MAP7D2: variants seen among roughly 807,000 people sequenced by gnomAD.
The protein encoded by MAP7D2 is MAP7 domain-containing protein 2.
A neutral mutation model predicts 63.5 loss-of-function variants in MAP7D2; 33 were observed. That is an observed-to-expected ratio of 0.52 (90% CI 0.39 to 0.70). The LOEUF is 0.70. Among genes scored for constraint, MAP7D2 ranks in the 30% least tolerant of loss-of-function variants. The pLI is 0.00. For missense variants in MAP7D2, 626 were observed against 604.0 expected, an observed-to-expected ratio of 1.04 and a Z score of -0.38; for synonymous variants, 224 against 223.7, an observed-to-expected ratio of 1.00 and a Z score of -0.01.
At chrX:20,055,630 C>A in intron 4 of MAP7D2, 5 of 440,237 alleles carry the variant, frequency 1.1e-5, no homozygotes, top group Non-Finnish European at 1.4e-5. Flanking sequence ...ACAGGCCAGA[C>A]TAAGAAACCA....
Position 20,042,991 on chromosome X carries a change from AGTGAG to A in MAP7D2, c.880-367_880-363del, listed in dbSNP as rs1186685190. 2.7e-5 allele frequency among the ~76,000 whole-genome samples: 3 copies of A among 112,149 alleles called. No individual in the cohort carries two copies. In the Admixed American group the frequency reaches 2.8e-4, roughly 11 times the overall value. The stretch of plus-strand genomic sequence containing the variant: ...AAAATGTGGTTACAACATCCAAGAC[AGTGAG>A]CTGTGGCCCCTGATGGTATACATGG... On this transcript the variant is annotated intron_variant, in intron 7 of 16. Transcript: ENST00000379643.
chrX:20,065,800 T>G (rs2065343390), intron 1 of MAP7D2, among the ~76,000 whole-genome samples: 1 of 112,447 alleles, frequency 8.9e-6, no homozygotes, highest in South Asian at 3.6e-4. Context: ...CCTAAAGGGC[T>G]TTCTAAACAA....
chrX:20,061,135 A>C lies in MAP7D2; in HGVS notation c.372+2279T>G, dbSNP rs540247852. On this transcript the variant is annotated intron_variant, in intron 3 of 16. Transcript: ENST00000379643. The stretch of plus-strand genomic sequence containing the variant: ...AACATGACCAAAAAAAAAAAAAAAA[A>C]AAAAAAGACTTCAATCTGACACTGA... Among the ~76,000 whole-genome samples the C allele has an allele frequency of 2.9e-3, 312 of 108,123 alleles. 1 individual carries two copies. Among genetic ancestry groups the C allele is most frequent in the South Asian group, 9.1e-3 (22 of 2,425 alleles). 93.9% of individuals were successfully genotyped at this position (108,123 alleles called of 115,157 possible).
chrX:20,031,235 A>G (rs2074039476), intron 8 of MAP7D2, among the ~76,000 whole-genome samples: 2 of 109,810 alleles, frequency 1.8e-5, no homozygotes, highest in Admixed American at 2.0e-4. Flanking sequence ...GGTTGCAGTG[A>G]GCCGAGATTG....
At chrX:20,059,627 G>GAA (rs747289601) in intron 3 of MAP7D2, among the ~76,000 whole-genome samples, 3 of 81,453 alleles carry the variant, frequency 3.7e-5, no homozygotes, top group African/African-American at 1.6e-4. Flanking sequence ...AGGAAGGAAG[G>GAA]GTGGAAGGAA....
In MAP7D2 at chrX:20,013,145, G is replaced by T; in HGVS notation, c.1807-13C>A. On this transcript the variant is annotated splice_polypyrimidine_tract_variant and intron_variant, in intron 13 of 16. Coordinates refer to ENST00000379643, the MANE Select transcript of MAP7D2 (RefSeq NM_001168465.2). Reference sequence around the variant, plus strand: ...TGGGGTCTTCTTTCTGAAAACAAATGGAAGGTGAATGAAATGAGGGAAGGC... The same window carrying T: ...TGGGGTCTTCTTTCTGAAAACAAATTGAAGGTGAATGAAATGAGGGAAGGC... 2.6e-6 allele frequency: 3 copies of T among 1,169,856 alleles called. No individual in the cohort carries two copies. The highest frequency in any genetic ancestry group is 3.5e-6 in the Non-Finnish European group (3 of 860,168).
chrX:20,016,341 CTGT>C lies in MAP7D2; in HGVS notation c.1413-19_1413-17del. On this transcript the variant is annotated splice_polypyrimidine_tract_variant and intron_variant, in intron 10 of 16. Transcript: ENST00000379643. ...TCTCTCCAGCCTTTTGAGAATACAACTGTTGTTAGAAGATGACATGCTCGAAAA... is the reference window on the plus strand; with the variant it reads ...TCTCTCCAGCCTTTTGAGAATACAACTGTTAGAAGATGACATGCTCGAAAA... 8.4e-7 allele frequency: 1 copy of C among 1,194,818 alleles called. No individual in the cohort carries two copies. Among genetic ancestry groups the C allele is most frequent in the Non-Finnish European group, 1.1e-6 (1 of 883,939 alleles).
chrX:20,060,426 GAGAGAGAGAA>G (rs1374851100), intron 3 of MAP7D2, among the ~76,000 whole-genome samples: 13 of 72,123 alleles, frequency 1.8e-4, no homozygotes, highest in East Asian at 3.9e-4. Context: ...AAGAGAGAGA[GAGAGAGAGAA>G]AGAAAGAAAG....
chrX:20,053,448 GGA>G (rs1454386412), intron 4 of MAP7D2, among the ~76,000 whole-genome samples: 1 of 112,059 alleles, frequency 8.9e-6, no homozygotes, highest in Non-Finnish European at 1.9e-5. Context: ...AGCTCAGGTT[GGA>G]GAGAGATGAA....
rs1410290395 is a variant in MAP7D2 at position 20,012,361 on chromosome X, G to A, written c.2060C>T (p.Ser687Phe). The A allele has an allele frequency of 8.3e-7, 1 of 1,199,286 alleles. No homozygotes were observed. The highest frequency in any genetic ancestry group is 1.7e-5 in the African/African-American group (1 of 57,450). Reference sequence around the variant, plus strand: ...GAAATGAATATACCTCACATCCATAGACTGAACTTCTTCAGTTGAATCATC... The same window carrying A: ...GAAATGAATATACCTCACATCCATAAACTGAACTTCTTCAGTTGAATCATC... Reference protein sequence around the residue: ...SLDDSTEEVQSMDVSPVSKEE... With the variant: ...SLDDSTEEVQFMDVSPVSKEE... The change falls in exon 15 of 17, where the codon TCT becomes TTT. Residue 687 changes from serine (S) to phenylalanine (F), a missense_variant. Ser to Phe is a radical substitution (Grantham distance 155). Coordinates refer to ENST00000379643, the MANE Select transcript of MAP7D2 (RefSeq NM_001168465.2).
In MAP7D2 at chrX:20,064,761, T is replaced by A; in HGVS notation, c.175A>T (p.Lys59Ter). 8.3e-7 allele frequency: 1 copy of A among 1,211,679 alleles called. No homozygotes were observed. Among genetic ancestry groups the A allele is most frequent in the Non-Finnish European group, 1.1e-6 (1 of 895,194 alleles). The change falls in exon 2 of 17, where the codon AAA becomes TAA. Residue 59 changes from lysine to a stop codon, truncating the protein, a stop_gained. Transcript: ENST00000379643. LOFTEE classifies it high-confidence loss of function. ...LKSDERQRLA[K>*]ERREEREKCL... is the part of the protein sequence containing the mutation. ...TTTTCTCTTTCTTCTCGTCTTTCTT[T>A]GGCCAATCTCTGCCTCTCATCTGAT...
At chrX:20,100,118 T>C (rs990080932) in intron 1 of MAP7D2, among the ~76,000 whole-genome samples, 3 of 112,316 alleles carry the variant, frequency 2.7e-5, no homozygotes, top group African/African-American at 9.7e-5. Context: ...AAGGACCTTT[T>C]ATTAAATCAA....
At chrX:20,112,519 G>C (rs985582001) in intron 1 of MAP7D2, among the ~76,000 whole-genome samples, 7 of 111,565 alleles carry the variant, frequency 6.3e-5, no homozygotes, top group African/African-American at 2.0e-4. Context: ...CCAAGGCCTA[G>C]TCAGACCCAG....
intron 13 of MAP7D2, 137 bp from the exon 14 acceptor site, chrX:20,013,269 T>G (rs1188536146): frequency 2.2e-5 from 11 of 500,403 alleles, no homozygotes; most frequent in Non-Finnish European, 3.8e-5. Flanking sequence ...AATCTTCAGC[T>G]GTGTTTCCCT....
chrX:20,069,971 C>T (rs1217509146), intron 1 of MAP7D2, among the ~76,000 whole-genome samples: 7 of 111,002 alleles, frequency 6.3e-5, no homozygotes, highest in Non-Finnish European at 1.3e-4. Flanking sequence ...CTTTTTGAGA[C>T]GGAGTCTCGC....
At chrX:20,110,350 G>A (rs751075575) in intron 1 of MAP7D2, among the ~76,000 whole-genome samples, 2 of 109,519 alleles carry the variant, frequency 1.8e-5, no homozygotes, top group Admixed American at 2.0e-4. Flanking sequence ...TTAGCCGAGC[G>A]TGCTAGTGCA....
rs745318975 is a variant in MAP7D2 at position 20,014,333 on chromosome X, C to T, written c.1750-708G>A. 3.0e-4 allele frequency among the ~76,000 whole-genome samples: 34 copies of T among 111,973 alleles called. 1 individual carries two copies. In the South Asian group the frequency reaches 0.012, roughly 39 times the overall value. On this transcript the variant is annotated intron_variant, in intron 12 of 16. Coordinates refer to ENST00000379643, the MANE Select transcript of MAP7D2 (RefSeq NM_001168465.2). ...CTATAATCCCAGCACTTTGGAAGGC[C>T]GAGGCAGGAGGATCCCTTGAGTCCA...
Position 20,025,006 on chromosome X carries a change from G to A in MAP7D2, c.1357C>T (p.Arg453Trp), listed in dbSNP as rs1179546304. The A allele has an allele frequency of 3.3e-6, 4 of 1,211,296 alleles. No individual in the cohort carries two copies. The highest frequency in any genetic ancestry group is 1.1e-6 in the Non-Finnish European group (1 of 895,265). Residue 453 changes from arginine to tryptophan, a missense_variant, in exon 10 of 17, where the codon CGG becomes TGG. Arg to Trp is a moderately radical substitution (Grantham distance 101). Coordinates refer to ENST00000379643, the MANE Select transcript of MAP7D2 (RefSeq NM_001168465.2). ...TGCTCCTCCTGTTCCTTCTGCAGCC[G>A]GGCCTGTCTTCTCTTTTCAGCCAAG... ...KILAEKRRQA[R>W]LQKEQEEQER...
chrX:20,064,915 T>C, intron 1 of MAP7D2, 110 bp from the exon 2 acceptor site: 1 of 578,768 alleles, frequency 1.7e-6, no homozygotes, highest in East Asian at 3.5e-5. Flanking sequence ...GTGCACATCA[T>C]CCATCTCCAT....
Sources: gnomAD v4.1 joint callset for allele counts (sites outside exome capture counted in the v4.1 genomes callset) on GRCh38, gnomAD v4.1.1 for gene constraint, MANE v1.5 for transcripts, NCBI Gene and HGNC (gene_info 2026-07-23, HGNC 2026-07-21) for gene names.